The following ACACA variants were observed in gnomAD, a reference collection of about 807,000 sequenced individuals.
ACACA encodes acetyl-CoA carboxylase 1.
Under a neutral mutation model 296.1 loss-of-function variants are expected in ACACA, and 103 were observed. That is an observed-to-expected ratio of 0.35 (90% CI 0.30 to 0.41). ACACA has a LOEUF of 0.41. Among genes scored for constraint, ACACA ranks in the 10% least tolerant of loss-of-function variants. The pLI is 1.00. For missense variants in ACACA, 1,554 were observed against 2,989.7 expected, an observed-to-expected ratio of 0.52 and a Z score of 11.20; for synonymous variants, 953 against 1,038.6, an observed-to-expected ratio of 0.92 and a Z score of 1.58.
chr17:37,200,356 C>T lies in ACACA; in HGVS notation c.4113+71G>A. On this transcript the variant is annotated intron_variant, in intron 34 of 55. Transcript: ENST00000616317. Reference sequence around the variant, plus strand: ...AATCCTATTAGTAAGTATAAGATTACAATCCCATTTTTATTAAGTTGTAGC... The same window carrying T: ...AATCCTATTAGTAAGTATAAGATTATAATCCCATTTTTATTAAGTTGTAGC... 12 of 1,473,186 alleles carry T rather than the reference C, an allele frequency of 8.1e-6. 1 individual carries two copies. Among genetic ancestry groups the T allele is most frequent in the East Asian group, 4.5e-5 (2 of 44,042 alleles). 91.3% of individuals were successfully genotyped at this position (1,473,186 alleles called of 1,614,324 possible).
At chr17:37,255,639 G>C (rs2146166413) in intron 14 of ACACA, among the ~76,000 whole-genome samples, 1 of 152,318 alleles carries the variant, frequency 6.6e-6, no homozygotes, top group Middle Eastern at 3.4e-3. Flanking sequence ...GCCAGTCTGG[G>C]AACATAAATG....
In ACACA at chr17:37,406,365, A is replaced by C; in HGVS notation, c.-66T>G. The C allele has an allele frequency of 1.3e-6, 2 of 1,574,336 alleles. No individual in the cohort carries two copies. Among genetic ancestry groups the C allele is most frequent in the Non-Finnish European group, 1.7e-6 (2 of 1,143,982 alleles). On this transcript the variant is annotated 5_prime_UTR_variant, in exon 1 of 56. Transcript: ENST00000616317. ...AAGAGGGGATGGTTCTTTCCAAAGAAGACAATTTCGACGTTCCAGGAGCAT... is the reference window on the plus strand; with the variant it reads ...AAGAGGGGATGGTTCTTTCCAAAGACGACAATTTCGACGTTCCAGGAGCAT...
At position 37,089,190 on chromosome 17, in the gene ACACA, C is replaced by A. The variant is rs931094533; in HGVS notation, c.6892-116G>T. On this transcript the variant is annotated intron_variant, in intron 54 of 55. Transcript: ENST00000616317. The stretch of plus-strand genomic sequence containing the variant: ...AAAAGTGTGCTCCGTGTCCACGATT[C>A]TCCTTCACTGTCAGCATCGTGCAGG... 11 of 1,449,586 alleles carry A rather than the reference C, an allele frequency of 7.6e-6. No individual in the cohort carries two copies. The Admixed American group carries it at 1.9e-4, about 24-fold the overall frequency. The allele number at this position is 1,449,586 out of a possible 1,614,324, so 89.8% of individuals were successfully genotyped here. A position where few individuals can be genotyped will look rare whatever the true frequency, so the allele number is the denominator to read the frequency against.
In ACACA at chr17:37,311,326, C is replaced by T. The variant is rs530539460; in HGVS notation, c.338+18847G>A. Among the ~76,000 whole-genome samples the T allele has an allele frequency of 1.6e-4, 25 of 152,166 alleles. No homozygotes were observed. In the South Asian group the frequency reaches 3.3e-3, roughly 20 times the overall value. ...GCTTGGAACACTTCTCAGGACCCTC[C>T]CTCCTTTGGTCATCCTCTGTTCCAA... is the stretch of plus-strand genomic sequence containing the variant. On this transcript the variant is annotated intron_variant, in intron 3 of 55. Coordinates refer to ENST00000616317, the MANE Select transcript of ACACA (RefSeq NM_198834.3).
At chr17:37,178,717 C>T (rs2077209044) in intron 41 of ACACA, among the ~76,000 whole-genome samples, 1 of 152,116 alleles carries the variant, frequency 6.6e-6, no homozygotes, top group Non-Finnish European at 1.5e-5. Flanking sequence ...GAGAGGATCA[C>T]TTGAGACATG....
chr17:37,193,310 C>T, intron 36 of ACACA, 64 bp downstream of exon 36: 1 of 1,257,018 alleles, frequency 8.0e-7, no homozygotes, highest in Non-Finnish European at 1.2e-6. Flanking sequence ...CAAAGATAAG[C>T]CGCTCTTGGG....
chr17:37,226,281 G>A, intron 26 of ACACA, 58 bp downstream of exon 26: 1 of 1,286,870 alleles, frequency 7.8e-7, no homozygotes, highest in Non-Finnish European at 1.1e-6. Context: ...ATTGTGTCTA[G>A]GACTGCCTGA....
At position 37,097,976 on chromosome 17, in the gene ACACA, C is replaced by G; in HGVS notation, c.6574G>C (p.Glu2192Gln). The G allele has an allele frequency of 6.2e-7, 1 of 1,614,160 alleles. No homozygotes were observed. Reference protein sequence around the residue: ...IHLAERLGTPELSTAERKELE... With the variant: ...IHLAERLGTPQLSTAERKELE... ...TCCTTCCGCTCAGCTGTGCTTAGCT[C>G]TGGGGTCCCTGCAATTAGATAAACA... Residue 2192 changes from glutamate (E) to glutamine (Q), a missense_variant, in exon 53 of 56, where the codon GAG becomes CAG. Transcript: ENST00000616317. The surrounding 1 kb of genome is among the most constrained non-coding windows in gnomAD (Gnocchi z 4.8).
intron 43 of ACACA, among the ~76,000 whole-genome samples, chr17:37,154,615 GC>G (rs2076167759): frequency 6.6e-6 from 1 of 152,028 alleles, no homozygotes; most frequent in Admixed American, 6.6e-5. Context: ...TCCTGCCTCA[GC>G]CTCCCAAGTA....
At chr17:37,115,098 G>A (rs1180814791) in intron 50 of ACACA, among the ~76,000 whole-genome samples, 1 of 152,220 alleles carries the variant, frequency 6.6e-6, no homozygotes, top group Admixed American at 6.5e-5. Flanking sequence ...TATGTGGAAT[G>A]TGTATGATAT....
At chr17:37,386,746 C>T (rs2050549742) in intron 1 of ACACA, 1 of 152,138 alleles carries the variant, frequency 6.6e-6, no homozygotes. Context: ...TAATTCTAAC[C>T]ACTGTATGTA....
intron 49 of ACACA, among the ~76,000 whole-genome samples, chr17:37,122,082 A>T (rs1237121610): frequency 6.6e-6 from 1 of 152,118 alleles, no homozygotes; most frequent in Non-Finnish European, 1.5e-5. Context: ...GGCTGCAGTG[A>T]GTCAAAATCA....
At chr17:37,108,940 A>G (rs2073839862) in intron 52 of ACACA, among the ~76,000 whole-genome samples, 1 of 152,256 alleles carries the variant, frequency 6.6e-6, no homozygotes. Context: ...ATCCTGAGAA[A>G]AGGAGAACAC....
In ACACA at chr17:37,248,059, G is replaced by C; in HGVS notation, c.2261C>G (p.Ser754Cys). The C allele has an allele frequency of 6.2e-7, 1 of 1,613,954 alleles. No homozygotes were observed. The highest frequency in any genetic ancestry group is 8.5e-7 in the Non-Finnish European group (1 of 1,179,972). The change falls in exon 18 of 56, where the codon TCC becomes TGC. Residue 754 changes from serine to cysteine, a missense_variant. Ser to Cys is a moderately radical substitution (Grantham distance 112, BLOSUM62 -1). This residue lies in a region of ACACA where 316 missense variants were observed against 540.9 expected (regional missense o/e 0.58). Transcript: ENST00000616317. The part of the protein sequence containing the change: ...HRLSDGGLLL[S>C]YDGSSYTTYM... ...CGTAGTATAACTGCTGCCATCATAG[G>C]ACAAGAGCAGTCCACCGTCACTCAG...
intron 35 of ACACA, among the ~76,000 whole-genome samples, chr17:37,199,884 T>A (rs1490237089): frequency 2.0e-5 from 3 of 151,728 alleles, no homozygotes; most frequent in African/African-American, 7.3e-5. Flanking sequence ...TAAAAAAAAT[T>A]TTTTTTTAAT....
intron 23 of ACACA, 96 bp from the exon 24 acceptor site, chr17:37,240,660 G>GAACT (rs1401295871): frequency 8.9e-6 from 8 of 894,430 alleles, no homozygotes; most frequent in Non-Finnish European, 1.3e-5. Context: ...ACATTCCACT[G>GAACT]AACTGCTTTC....
chr17:37,389,484 G>T (rs2050695254), intron 1 of ACACA: 33 of 1,372,990 alleles, frequency 2.4e-5, no homozygotes, highest in Non-Finnish European at 3.1e-5. Context: ...ATCACCTGAG[G>T]TGATCGAGAC....
At chr17:37,353,028 A>C (rs1430845249) in intron 1 of ACACA, among the ~76,000 whole-genome samples, 2 of 152,198 alleles carry the variant, frequency 1.3e-5, no homozygotes, top group Admixed American at 6.5e-5. Flanking sequence ...ATCAGATAAA[A>C]TATTCTCTCA....
chr17:37,334,749 C>T (rs1053472973), intron 2 of ACACA, among the ~76,000 whole-genome samples: 13 of 151,274 alleles, frequency 8.6e-5, no homozygotes, highest in Non-Finnish European at 1.3e-4. Flanking sequence ...GCCACTGCAC[C>T]CCGTCCATGC....
Sources: allele counts gnomAD v4.1 joint callset (sites outside exome capture counted in the v4.1 genomes callset), GRCh38; gene constraint gnomAD v4.1.1; regional missense constraint gnomAD v4.1.1; non-coding constraint Gnocchi (gnomAD v3.1); transcripts MANE v1.5; gene names NCBI Gene and HGNC (gene_info 2026-07-23, HGNC 2026-07-21).